LRRC4C: variants seen among roughly 807,000 people sequenced by gnomAD.
LRRC4C encodes leucine rich repeat containing 4C, also known as leucine-rich repeat-containing protein 4C.
A neutral mutation model predicts 33.6 loss-of-function variants in LRRC4C; 5 were observed. The ratio of observed to expected loss-of-function variants is 0.15; its 90% CI spans 0.08 to 0.31. The LOEUF (loss-of-function observed/expected upper bound fraction) is 0.31, where lower values mean the gene tolerates loss of function less well. LRRC4C is among the 10% of genes least tolerant of loss of function. The pLI, the probability that LRRC4C is intolerant of heterozygous loss-of-function variation, is 1.00. For synonymous variants in LRRC4C, 329 were observed against 302.0 expected (o/e 1.09, Z -0.93); for missense variants, 560 against 796.7 (o/e 0.70, Z 3.58).
chr11:40,564,611 T>G (rs1446771593), intron 3 of LRRC4C, among the ~76,000 whole-genome samples: 1 of 152,132 alleles, frequency 6.6e-6, no homozygotes, highest in Non-Finnish European at 1.5e-5. Context: ...TGGGACATAA[T>G]CATCAAATGA....
chr11:40,854,022 C>G (rs1034734927), intron 2 of LRRC4C, among the ~76,000 whole-genome samples: 1 of 151,288 alleles, frequency 6.6e-6, no homozygotes, highest in South Asian at 2.1e-4. Context: ...AAACTACTCT[C>G]TTCTCAAACG....
intron 5 of LRRC4C, among the ~76,000 whole-genome samples, chr11:40,144,517 C>A (rs1213074491): frequency 1.3e-5 from 2 of 152,096 alleles, no homozygotes; most frequent in Non-Finnish European, 2.9e-5. Context: ...TTTTACATAG[C>A]ACTTTGTTGA....
intron 3 of LRRC4C, among the ~76,000 whole-genome samples, chr11:40,331,999 T>C (rs1015420037): frequency 6.6e-6 from 1 of 152,214 alleles, no homozygotes; most frequent in African/African-American, 2.4e-5. Flanking sequence ...ATTAGCAGCA[T>C]TGACCCAAGT....
intron 1 of LRRC4C, among the ~76,000 whole-genome samples, chr11:41,236,506 C>T (rs1221930554): frequency 1.3e-5 from 2 of 151,790 alleles, no homozygotes; most frequent in African/African-American, 2.4e-5. Context: ...GTTTATAATG[C>T]TCTCATGAGC....
intron 2 of LRRC4C, among the ~76,000 whole-genome samples, chr11:40,748,139 G>T (rs1948515866): frequency 6.6e-6 from 1 of 152,202 alleles, no homozygotes; most frequent in East Asian, 1.9e-4. Context: ...GACAGAGAGA[G>T]ATTTTTAAAA....
intron 3 of LRRC4C, among the ~76,000 whole-genome samples, chr11:40,619,378 T>A (rs954478856): frequency 6.6e-6 from 1 of 151,716 alleles, no homozygotes; most frequent in Non-Finnish European, 1.5e-5. Flanking sequence ...TTATTTCACA[T>A]TGCATGCCTG....
At chr11:41,311,574 A>G (rs974915509) in intron 1 of LRRC4C, among the ~76,000 whole-genome samples, 1 of 152,240 alleles carries the variant, frequency 6.6e-6, no homozygotes, top group Non-Finnish European at 1.5e-5. Flanking sequence ...TGAATAACTC[A>G]TGCATAAAGT....
chr11:40,866,633 G>A (rs753077464), intron 2 of LRRC4C, among the ~76,000 whole-genome samples: 1 of 152,110 alleles, frequency 6.6e-6, no homozygotes, highest in Admixed American at 6.6e-5. Context: ...TGGGAGTCAA[G>A]CCAATTGGGT....
At chr11:41,077,567 T>C (rs1379157995) in intron 1 of LRRC4C, among the ~76,000 whole-genome samples, 3 of 152,142 alleles carry the variant, frequency 2.0e-5, no homozygotes, top group African/African-American at 7.2e-5. Context: ...GAGGGTGTCA[T>C]GTTGCAAGGC....
rs201060992 is a variant in LRRC4C, at chr11:41,336,242, C to CT, written c.-496+123188dup. Among the ~76,000 whole-genome samples the CT allele has an allele frequency of 1.8e-3, 263 of 148,766 alleles. 2 individuals carry two copies. The highest frequency in any genetic ancestry group is 3.1e-3 in the East Asian group (16 of 5,080). On this transcript the variant is annotated intron_variant, in intron 1 of 6. Transcript: ENST00000528697. ...GATTCACTATGAATTATAGACTTTC[C>CT]TTTTTTTTTAAAAAAAAAAGTAAGG...
chr11:41,325,124 C>G (rs985495710), intron 1 of LRRC4C, among the ~76,000 whole-genome samples: 1 of 152,092 alleles, frequency 6.6e-6, no homozygotes, highest in Non-Finnish European at 1.5e-5. Context: ...TTAAATTCCT[C>G]AAAAGAAATC....
chr11:40,385,998 AT>A (rs1370935702), intron 3 of LRRC4C, among the ~76,000 whole-genome samples: 1 of 151,352 alleles, frequency 6.6e-6, no homozygotes, highest in Non-Finnish European at 1.5e-5. Flanking sequence ...GCAACATGCA[AT>A]TTAACCTATG....
At chr11:40,815,874 C>T (rs1951686095) in intron 2 of LRRC4C, among the ~76,000 whole-genome samples, 1 of 152,188 alleles carries the variant, frequency 6.6e-6, no homozygotes, top group Non-Finnish European at 1.5e-5. Context: ...AGAGAAATGA[C>T]CTACATTTTT....
At chr11:40,681,403 T>G (rs2136331251) in intron 2 of LRRC4C, among the ~76,000 whole-genome samples, 1 of 152,320 alleles carries the variant, frequency 6.6e-6, no homozygotes, top group South Asian at 2.1e-4. Flanking sequence ...TTTTCATTTG[T>G]TGTACTCCAA....
At chr11:41,129,049 C>A (rs1387873270) in intron 1 of LRRC4C, among the ~76,000 whole-genome samples, 2 of 151,770 alleles carry the variant, frequency 1.3e-5, no homozygotes, top group African/African-American at 2.4e-5. Flanking sequence ...ACAGATATTG[C>A]CTGACAAATG....
At chr11:41,439,301 C>G (rs971743934) in intron 1 of LRRC4C, among the ~76,000 whole-genome samples, 2 of 152,070 alleles carry the variant, frequency 1.3e-5, no homozygotes, top group African/African-American at 4.8e-5. Context: ...TAGGTTGATT[C>G]CATTACTTTA....
intron 1 of LRRC4C, among the ~76,000 whole-genome samples, chr11:41,274,889 T>C (rs1397990023): frequency 6.6e-6 from 1 of 152,144 alleles, no homozygotes; most frequent in Admixed American, 6.6e-5. Context: ...GTTTGGATGT[T>C]TGTCCCTCTA....
chr11:41,368,938 TGAG>T (rs1475886668), intron 1 of LRRC4C, among the ~76,000 whole-genome samples: 6 of 152,202 alleles, frequency 3.9e-5, no homozygotes, highest in Non-Finnish European at 7.3e-5. Flanking sequence ...CAGAGAAAAT[TGAG>T]GACTTCTTAA....
chr11:41,126,000 T>C (rs1288154454), intron 1 of LRRC4C, among the ~76,000 whole-genome samples: 1 of 151,938 alleles, frequency 6.6e-6, no homozygotes, highest in Non-Finnish European at 1.5e-5. Flanking sequence ...AGAAAATGCA[T>C]TCAATTGAAA....
Sources: gnomAD v4.1 joint callset for allele counts (sites outside exome capture counted in the v4.1 genomes callset) on GRCh38, gnomAD v4.1.1 for gene constraint, MANE v1.5 for transcripts, NCBI Gene and HGNC (gene_info 2026-07-23, HGNC 2026-07-21) for gene names.